Variants in PRMT8 observed in about 807,000 individuals in gnomAD.
PRMT8 encodes the protein protein arginine methyltransferase 8.
A neutral mutation model predicts 47.1 loss-of-function variants in PRMT8; 7 were observed. That is an observed-to-expected ratio of 0.15 (90% CI 0.08 to 0.28). The LOEUF (loss-of-function observed/expected upper bound fraction) is 0.28, where lower values mean the gene tolerates loss of function less well. Among genes scored for constraint, PRMT8 ranks in the 10% least tolerant of loss-of-function variants. The pLI is 1.00. For missense variants in PRMT8, 237 were observed against 505.4 expected (o/e 0.47, Z 5.09); for synonymous variants, 188 against 186.5 (o/e 1.01, Z -0.07).
At chr12:3,486,628 C>T (rs80334643), upstream of PRMT8, among the ~76,000 whole-genome samples, 72 of 152,272 alleles carry the variant, frequency 4.7e-4, no homozygotes, top group Middle Eastern at 3.4e-3. Flanking sequence ...GAGTATACAA[C>T]GTCCACCCAG....
At chr12:3,383,895 A>G (rs1864116882) in intron 1 of PRMT8, among the ~76,000 whole-genome samples, 1 of 152,164 alleles carries the variant, frequency 6.6e-6, no homozygotes, top group African/African-American at 2.4e-5. Flanking sequence ...ATATGGTGAT[A>G]TACTTGATTT....
chr12:3,566,062 A>C lies in PRMT8; in HGVS notation c.482-2644A>C, dbSNP rs1866715168. On this transcript the variant is annotated intron_variant, in intron 4 of 9. Coordinates refer to ENST00000382622, the MANE Select transcript of PRMT8 (RefSeq NM_019854.5). This position sits in a 1 kb window ranked among gnomAD's most constrained non-coding sequence, Gnocchi z 4.7. The stretch of plus-strand genomic sequence containing the variant: ...AGCCACACAGACACAGGCAGACATT[A>C]GGGAAGAACCTTCAAGAAACGTGCA... 6.6e-6 allele frequency among the ~76,000 whole-genome samples: 1 copy of C among 152,218 alleles called. No homozygotes were observed. Among genetic ancestry groups the C allele is most frequent in the Admixed American group, 6.5e-5 (1 of 15,286 alleles).
In PRMT8 at chr12:3,557,708, G is replaced by A. The variant is rs1866551596; in HGVS notation, c.481+3994G>A. On this transcript the variant is annotated intron_variant, in intron 4 of 9. Transcript: ENST00000382622. The surrounding 1 kb of genome is among the most constrained non-coding windows in gnomAD (Gnocchi z 4.7). The stretch of plus-strand genomic sequence containing the variant: ...GGGCAGATGGTTTTCCCCATTAACA[G>A]GTGTGGAAACTGAGGCTAGGAGAGG... Among the ~76,000 whole-genome samples, 1 of 152,182 alleles carries A rather than the reference G, an allele frequency of 6.6e-6. No individual in the cohort carries two copies. The highest frequency in any genetic ancestry group is 2.1e-4 in the South Asian group (1 of 4,828).
At chr12:3,445,400 C>A (rs1423224379) in intron 1 of PRMT8, among the ~76,000 whole-genome samples, 1 of 152,204 alleles carries the variant, frequency 6.6e-6, no homozygotes, top group Non-Finnish European at 1.5e-5. Context: ...ACAGGTAATT[C>A]ACTTTATTGA....
chr12:3,555,308 C>G lies in PRMT8; in HGVS notation c.481+1594C>G, dbSNP rs555073934. Among the ~76,000 whole-genome samples the G allele has an allele frequency of 2.6e-5, 4 of 152,332 alleles. No homozygotes were observed. In the South Asian group the frequency reaches 8.3e-4, roughly 32 times the overall value. ...CCATGGCTGCGTTAGGTTAGCTGCT[C>G]TCTGAGCAGGTCACAGTGAAGCTCA... is the stretch of plus-strand genomic sequence containing the variant. On this transcript the variant is annotated intron_variant, in intron 4 of 9. Transcript: ENST00000382622.
upstream of PRMT8, among the ~76,000 whole-genome samples, chr12:3,486,926 G>A (rs192603569): frequency 6.1e-4 from 93 of 152,326 alleles, no homozygotes; most frequent in African/African-American, 2.2e-3. Context: ...ACCTCATATT[G>A]CTTTGCAGGT....
At chr12:3,560,020 T>C (rs1238037730) in intron 4 of PRMT8, among the ~76,000 whole-genome samples, 1 of 152,196 alleles carries the variant, frequency 6.6e-6, no homozygotes. Flanking sequence ...CACACACCTG[T>C]TCCAGGGAGG....
chr12:3,448,224 C>T (rs966799422), intron 1 of PRMT8, among the ~76,000 whole-genome samples: 5 of 152,088 alleles, frequency 3.3e-5, no homozygotes, highest in African/African-American at 7.2e-5. Flanking sequence ...AGGCTGGTCT[C>T]GAACTCCCAG....
intron 1 of PRMT8, among the ~76,000 whole-genome samples, chr12:3,450,203 A>G (rs1362861563): frequency 1.3e-5 from 2 of 152,168 alleles, no homozygotes; most frequent in Admixed American, 1.3e-4. Context: ...GTGGTTTCTT[A>G]AATGTTTGTT....
rs568379825 is a variant in PRMT8 at position 3,409,307 on chromosome 12, G to A, written c.48+27865G>A. 6.6e-6 allele frequency among the ~76,000 whole-genome samples: 1 copy of A among 152,254 alleles called. No individual in the cohort carries two copies. The highest frequency in any genetic ancestry group is 6.5e-5 in the Admixed American group (1 of 15,302). On this transcript the variant is annotated intron_variant, in intron 1 of 9. Coordinates refer to the PRMT8 transcript ENST00000452611. The surrounding 1 kb of genome is among the most constrained non-coding windows in gnomAD (Gnocchi z 4.4). ...AAGAAGGGGTGCTGTGGAGTTTCGG[G>A]TCCAGTGAGCAGAACACAGCTGTAA...
intron 1 of PRMT8, among the ~76,000 whole-genome samples, chr12:3,494,886 T>TG (rs1055987100): frequency 2.0e-5 from 3 of 152,128 alleles, no homozygotes; most frequent in Admixed American, 6.5e-5. Flanking sequence ...AGGGCAGGTA[T>TG]GGGTATAAGG....
At chr12:3,407,867 G>A (rs758441271) in intron 1 of PRMT8, among the ~76,000 whole-genome samples, 10 of 150,828 alleles carry the variant, frequency 6.6e-5, no homozygotes, top group African/African-American at 1.5e-4. Flanking sequence ...CTTCAAGTTC[G>A]CAAATTCTTT....
At chr12:3,530,344 G>A (rs1866010150) in intron 1 of PRMT8, among the ~76,000 whole-genome samples, 2 of 152,120 alleles carry the variant, frequency 1.3e-5, no homozygotes, top group Non-Finnish European at 2.9e-5. Flanking sequence ...TTTATACTAA[G>A]TATTAAGAGG....
chr12:3,394,443 G>C (rs1472589033), intron 1 of PRMT8, among the ~76,000 whole-genome samples: 1 of 152,116 alleles, frequency 6.6e-6, no homozygotes, highest in African/African-American at 2.4e-5. Flanking sequence ...TTTGTCAAAG[G>C]ACTTTTCTGC....
upstream of PRMT8, among the ~76,000 whole-genome samples, chr12:3,488,792 C>G (rs1195354675): frequency 6.6e-6 from 1 of 152,206 alleles, no homozygotes; most frequent in East Asian, 1.9e-4. Flanking sequence ...AATAGTTCTA[C>G]AAAGTACCTA....
intron 1 of PRMT8, among the ~76,000 whole-genome samples, chr12:3,420,971 G>T (rs1354550055): frequency 6.6e-6 from 1 of 152,192 alleles, no homozygotes; most frequent in African/African-American, 2.4e-5. Context: ...GTTTTCAGTC[G>T]AGCTGGAACC....
At chr12:3,567,226 A>G (rs1361652366) in intron 4 of PRMT8, among the ~76,000 whole-genome samples, 3 of 152,240 alleles carry the variant, frequency 2.0e-5, no homozygotes, top group Non-Finnish European at 2.9e-5. Context: ...CATTTGATCA[A>G]TACAATCACC....
chr12:3,582,297 A>G (rs1226574845), intron 7 of PRMT8, among the ~76,000 whole-genome samples: 3 of 152,208 alleles, frequency 2.0e-5, no homozygotes, highest in Admixed American at 1.3e-4. Flanking sequence ...GCCACTTTCC[A>G]GTTGAAATTC....
chr12:3,396,026 G>T (rs1382302766), intron 1 of PRMT8, among the ~76,000 whole-genome samples: 1 of 151,880 alleles, frequency 6.6e-6, no homozygotes, highest in African/African-American at 2.4e-5. Context: ...CAGAGACTAG[G>T]ATTGCAACCC....
Sources: gnomAD v4.1 joint callset for allele counts (sites outside exome capture counted in the v4.1 genomes callset) on GRCh38, gnomAD v4.1.1 for gene constraint, Gnocchi (gnomAD v3.1) non-coding constraint, MANE v1.5 for transcripts, NCBI Gene and HGNC (gene_info 2026-07-23, HGNC 2026-07-21) for gene names.